UBE2H: variants seen among roughly 807,000 people sequenced by gnomAD.
The protein encoded by UBE2H is ubiquitin conjugating enzyme E2 H, also known as ubiquitin-conjugating enzyme E2 H.
In UBE2H, 3 loss-of-function variants were observed where a neutral mutation model predicts 29.0. The observed-to-expected ratio is 0.10, with a 90% CI of 0.05 to 0.27. UBE2H has a LOEUF of 0.27. Among genes scored for constraint, UBE2H ranks in the 10% least tolerant of loss-of-function variants. The pLI is 1.00. For missense variants in UBE2H, 68 were observed against 228.2 expected, an observed-to-expected ratio of 0.30 and a Z score of 4.52; for synonymous variants, 69 against 82.9, an observed-to-expected ratio of 0.83 and a Z score of 0.91.
chr7:129,899,925 C>T (rs117557729), intron 1 of UBE2H, among the ~76,000 whole-genome samples: 9,519 of 152,052 alleles, frequency 0.063, 369 homozygotes, highest in Non-Finnish European at 0.092. Context: ...GTGAGGAGTA[C>T]GAGACCAGCC....
At chr7:129,874,311 A>G (rs1009161766) in intron 3 of UBE2H, among the ~76,000 whole-genome samples, 7 of 140,608 alleles carry the variant, frequency 5.0e-5, no homozygotes, top group Non-Finnish European at 1.1e-4. Flanking sequence ...TATATATATA[A>G]TTTTTTTTTT....
chr7:129,927,955 G>A (rs1004729093), intron 1 of UBE2H, among the ~76,000 whole-genome samples: 5 of 151,716 alleles, frequency 3.3e-5, no homozygotes, highest in Admixed American at 2.0e-4. Context: ...CAGCACTTTG[G>A]GAGGCGGGTC....
At chr7:129,848,187 C>T (rs1805545106) in intron 5 of UBE2H, among the ~76,000 whole-genome samples, 1 of 152,170 alleles carries the variant, frequency 6.6e-6, no homozygotes, top group African/African-American at 2.4e-5. Context: ...CACGCTGCTG[C>T]ACTCCAGCCT....
chr7:129,924,123 GCACTT>G (rs1563047804), intron 1 of UBE2H, among the ~76,000 whole-genome samples: 1 of 152,218 alleles, frequency 6.6e-6, no homozygotes, highest in Non-Finnish European at 1.5e-5. Flanking sequence ...TGCAATCCTA[GCACTT>G]CAGGAGGCCA....
At chr7:129,862,601 G>C (rs921863176) in intron 3 of UBE2H, among the ~76,000 whole-genome samples, 1 of 152,152 alleles carries the variant, frequency 6.6e-6, no homozygotes, top group East Asian at 1.9e-4. Context: ...GGAGGTGAAA[G>C]AGGAGCCACC....
intron 5 of UBE2H, among the ~76,000 whole-genome samples, chr7:129,851,308 C>T (rs1213273703): frequency 6.6e-6 from 1 of 152,148 alleles, no homozygotes. Context: ...CCCTGCTTAC[C>T]TTAAGAGCTT....
chr7:129,923,761 C>T (rs1251789472), intron 1 of UBE2H, among the ~76,000 whole-genome samples: 1 of 152,194 alleles, frequency 6.6e-6, no homozygotes, highest in East Asian at 1.9e-4. Context: ...GGGCCTGTCC[C>T]ATCCACTAAG....
Position 129,835,357 on chromosome 7 carries a change from A to G in UBE2H, c.428-296T>C, listed in dbSNP as rs555068397. Among the ~76,000 whole-genome samples the G allele has an allele frequency of 2.0e-5, 3 of 152,344 alleles. No individual in the cohort carries two copies. In the East Asian group the frequency reaches 5.8e-4, roughly 29 times the overall value. On this transcript the variant is annotated intron_variant, in intron 6 of 6. Coordinates refer to ENST00000355621, the MANE Select transcript of UBE2H (RefSeq NM_003344.4). ...GCACCCCAAGAACTCTTCAGGGACC[A>G]GGGAAATGGGAGCCCCACGCTTTCT...
intron 1 of UBE2H, among the ~76,000 whole-genome samples, chr7:129,889,941 G>A (rs1450013733): frequency 6.6e-6 from 1 of 151,988 alleles, no homozygotes; most frequent in Non-Finnish European, 1.5e-5. Flanking sequence ...ACCAGCATGG[G>A]CAACATAGTG....
At chr7:129,842,397 C>T (rs2116274669) in intron 5 of UBE2H, among the ~76,000 whole-genome samples, 1 of 152,178 alleles carries the variant, frequency 6.6e-6, no homozygotes, top group African/African-American at 2.4e-5. Context: ...CACCACAGTA[C>T]TCCAGCCTGG....
At chr7:129,926,479 G>A (rs549540339) in intron 1 of UBE2H, among the ~76,000 whole-genome samples, 31 of 148,470 alleles carry the variant, frequency 2.1e-4, no homozygotes, top group African/African-American at 7.7e-4. Flanking sequence ...ATTGCACTCC[G>A]CCTGGGCAAC....
rs1395371566 is a variant in UBE2H at position 129,952,369 on chromosome 7, G to A, written c.53+134C>T. ...TGGGAGGTGCCAAGGAGCCGCCGTAGGCACTGGGGGAGGAGGGGAGTCTCG... is the reference window on the plus strand; with the variant it reads ...TGGGAGGTGCCAAGGAGCCGCCGTAAGCACTGGGGGAGGAGGGGAGTCTCG... On this transcript the variant is annotated intron_variant, in intron 1 of 6. Coordinates refer to ENST00000355621, the MANE Select transcript of UBE2H (RefSeq NM_003344.4). 9.8e-6 allele frequency: 11 copies of A among 1,118,552 alleles called. No individual in the cohort carries two copies. The East Asian group carries it at 2.5e-4, about 26-fold the overall frequency. 69.3% of individuals were successfully genotyped at this position (1,118,552 alleles called of 1,614,324 possible). A position where few individuals can be genotyped will look rare whatever the true frequency, so the allele number is the denominator to read the frequency against.
intron 3 of UBE2H, among the ~76,000 whole-genome samples, chr7:129,878,846 T>A (rs535279637): frequency 1.9e-5 from 2 of 104,584 alleles, no homozygotes; most frequent in African/African-American, 7.2e-5. Context: ...TTTAGACATG[T>A]ATAAAGTGAA....
intron 3 of UBE2H, among the ~76,000 whole-genome samples, chr7:129,872,522 T>G (rs1806059644): frequency 1.3e-5 from 2 of 152,046 alleles, no homozygotes; most frequent in East Asian, 1.9e-4. Context: ...GCAGTTCCCT[T>G]TATCACTTGC....
intron 1 of UBE2H, among the ~76,000 whole-genome samples, chr7:129,917,037 CAAAA>C (rs35874993): frequency 1.0e-5 from 1 of 96,430 alleles, no homozygotes. Flanking sequence ...ATTCCGTCTC[CAAAA>C]AAAAAAAAAA....
intron 1 of UBE2H, among the ~76,000 whole-genome samples, chr7:129,888,193 G>A (rs1247551714): frequency 1.3e-5 from 2 of 152,214 alleles, no homozygotes; most frequent in Non-Finnish European, 2.9e-5. Context: ...CAAATGAAGA[G>A]GGGGAAGCCT....
Position 129,952,615 on chromosome 7 carries a change from C to A in UBE2H, c.-60G>T. 6.3e-7 allele frequency: 1 copy of A among 1,579,508 alleles called. No individual in the cohort carries two copies. The highest frequency in any genetic ancestry group is 8.6e-7 in the Non-Finnish European group (1 of 1,163,940). On this transcript the variant is annotated 5_prime_UTR_variant, in exon 1 of 7. Coordinates refer to ENST00000355621, the MANE Select transcript of UBE2H (RefSeq NM_003344.4). The stretch of plus-strand genomic sequence containing the variant: ...GTCTGTCACGGGCCCGGGGCCCCGG[C>A]TCTGAGGAGCCCGCGGCCGCGCCGG...
At chr7:129,859,101 T>A in intron 3 of UBE2H, 160 bp from the exon 4 acceptor site, 1 of 603,790 alleles carries the variant, frequency 1.7e-6, no homozygotes, top group Non-Finnish European at 2.9e-6. Flanking sequence ...TATATTCTCC[T>A]GATAGCTCCA....
At chr7:129,899,099 T>A (rs529654334) in intron 1 of UBE2H, among the ~76,000 whole-genome samples, 25 of 152,354 alleles carry the variant, frequency 1.6e-4, no homozygotes, top group Middle Eastern at 3.4e-3. Flanking sequence ...ATAATTTACC[T>A]ATCCGTAATT....
Sources: gnomAD v4.1 joint callset for allele counts (sites outside exome capture counted in the v4.1 genomes callset) on GRCh38, gnomAD v4.1.1 for gene constraint, MANE v1.5 for transcripts, NCBI Gene and HGNC (gene_info 2026-07-23, HGNC 2026-07-21) for gene names.